CHST11: variants seen among roughly 807,000 people sequenced by gnomAD.
The protein encoded by CHST11 is carbohydrate sulfotransferase 11, also known as C4S-1.
CHST11 carries 9 observed loss-of-function variants against 30.4 expected under a neutral mutation model. The observed-to-expected ratio is 0.30, with a 90% CI of 0.18 to 0.52. The LOEUF is 0.52. Ranked by LOEUF, CHST11 falls within the 20% of genes least tolerant of loss-of-function variation. CHST11 has a pLI of 0.97. For missense variants in CHST11, 348 were observed against 460.6 expected (o/e 0.76, Z 2.24); for synonymous variants, 152 against 187.8 (o/e 0.81, Z 1.56).
At chr12:104,662,222 G>T (rs1028955322) in intron 2 of CHST11, among the ~76,000 whole-genome samples, 34 of 152,152 alleles carry the variant, frequency 2.2e-4, no homozygotes, top group African/African-American at 7.5e-4. Context: ...CCAAGATCTG[G>T]GTTTGAGTGT....
At chr12:104,658,464 G>T (rs1035261156) in intron 2 of CHST11, among the ~76,000 whole-genome samples, 2 of 152,166 alleles carry the variant, frequency 1.3e-5, no homozygotes, top group Non-Finnish European at 2.9e-5. Flanking sequence ...GATCACCTCT[G>T]TGCAGACACT....
chr12:104,726,484 G>A (rs565639649), intron 2 of CHST11, among the ~76,000 whole-genome samples: 8 of 152,286 alleles, frequency 5.3e-5, no homozygotes, highest in South Asian at 2.1e-4. Context: ...ACCTGGTACC[G>A]CAAACTAAAA....
intron 2 of CHST11, among the ~76,000 whole-genome samples, chr12:104,653,152 C>A (rs545440043): frequency 6.6e-6 from 1 of 152,186 alleles, no homozygotes; most frequent in African/African-American, 2.4e-5. Flanking sequence ...CTCCCCATTT[C>A]TCCTGCCCGC....
Position 104,757,214 on chromosome 12 carries a change from T to G in CHST11, c.470T>G (p.Val157Gly). ...PMEIPANEAH[V>G]SANLKTLNQY... is the part of the protein sequence containing the mutation. ...GAGATCCCGGCCAACGAGGCACACG[T>G]CTCCGCCAACCTGAAGACCCTGAAC... is the stretch of plus-strand genomic sequence containing the variant. The change falls in exon 3 of 3, where the codon GTC (valine) becomes GGC (glycine). Residue 157 changes from valine (V) to glycine (G), a missense_variant. Physicochemically the swap from Val to Gly is moderately radical, Grantham distance 109 (BLOSUM62 -3). Around this residue, in one of 3 missense-constraint regions of CHST11, gnomAD observed 210 missense variants for 287.2 expected, o/e 0.73. Transcript: ENST00000303694. The surrounding 1 kb of genome is among the most constrained non-coding windows in gnomAD (Gnocchi z 6.5). 6.2e-7 allele frequency: 1 copy of G among 1,613,908 alleles called. No homozygotes were observed. Among genetic ancestry groups the G allele is most frequent in the Non-Finnish European group, 8.5e-7 (1 of 1,179,976 alleles).
intron 2 of CHST11, among the ~76,000 whole-genome samples, chr12:104,642,877 G>A (rs1323053996): frequency 6.6e-6 from 1 of 151,760 alleles, no homozygotes; most frequent in East Asian, 1.9e-4. Context: ...AAGAAATTAT[G>A]CAACTAGATA....
intron 1 of CHST11, among the ~76,000 whole-genome samples, chr12:104,549,735 C>T (rs963863582): frequency 2.0e-4 from 30 of 152,004 alleles, no homozygotes; most frequent in African/African-American, 7.2e-4. Context: ...GAGAGAGCCC[C>T]GCCACTCAAA....
intron 2 of CHST11, among the ~76,000 whole-genome samples, chr12:104,710,159 C>G (rs1396603802): frequency 3.3e-5 from 5 of 152,168 alleles, no homozygotes; most frequent in Admixed American, 6.5e-5. Context: ...ATGATTGCGC[C>G]ACTGCACTCC....
At chr12:104,706,077 C>T (rs914664954) in intron 2 of CHST11, among the ~76,000 whole-genome samples, 1 of 151,502 alleles carries the variant, frequency 6.6e-6, no homozygotes, top group Admixed American at 6.6e-5. Flanking sequence ...CAGAATGAGG[C>T]CCTATCTCAA....
chr12:104,629,203 A>C (rs2039247912), intron 2 of CHST11, among the ~76,000 whole-genome samples: 1 of 152,250 alleles, frequency 6.6e-6, no homozygotes, highest in Admixed American at 6.5e-5. Flanking sequence ...AAATCACACA[A>C]ACTTAGCAGT....
chr12:104,691,730 C>T (rs967124390), intron 2 of CHST11, among the ~76,000 whole-genome samples: 2 of 152,100 alleles, frequency 1.3e-5, no homozygotes, highest in South Asian at 2.1e-4. Flanking sequence ...CCTCATGATC[C>T]GCCCGCCTCA....
intron 2 of CHST11, among the ~76,000 whole-genome samples, chr12:104,709,241 C>T (rs992579226): frequency 6.6e-6 from 1 of 152,204 alleles, no homozygotes; most frequent in Non-Finnish European, 1.5e-5. Flanking sequence ...CCCCCTGCAC[C>T]CACAGCCTCG....
At chr12:104,664,359 C>CT (rs2039623978) in intron 2 of CHST11, among the ~76,000 whole-genome samples, 1 of 152,242 alleles carries the variant, frequency 6.6e-6, no homozygotes, top group Non-Finnish European at 1.5e-5. Context: ...TAAGTGTGGT[C>CT]TTCTTAGGTC....
chr12:104,622,873 A>C (rs1282672439), intron 2 of CHST11, among the ~76,000 whole-genome samples: 1 of 152,214 alleles, frequency 6.6e-6, no homozygotes, highest in South Asian at 2.1e-4. Context: ...AGCAATAGCC[A>C]AGGGTCAATT....
chr12:104,464,971 AT>A (rs1456476241), intron 1 of CHST11, among the ~76,000 whole-genome samples: 2 of 152,112 alleles, frequency 1.3e-5, no homozygotes, highest in Non-Finnish European at 2.9e-5. Context: ...CATTTTAGTG[AT>A]TATGCAATTT....
chr12:104,542,481 A>T (rs1316520693), intron 1 of CHST11, among the ~76,000 whole-genome samples: 7 of 152,240 alleles, frequency 4.6e-5, no homozygotes, highest in African/African-American at 1.7e-4. Context: ...CCTTGAAGAC[A>T]TGATACTAAG....
At chr12:104,461,985 G>A (rs2037411911) in intron 1 of CHST11, among the ~76,000 whole-genome samples, 1 of 151,778 alleles carries the variant, frequency 6.6e-6, no homozygotes, top group Non-Finnish European at 1.5e-5. Context: ...CCAACATGGT[G>A]AATCCCCGTC....
chr12:104,639,425 A>G (rs1393812133), intron 2 of CHST11, among the ~76,000 whole-genome samples: 1 of 152,200 alleles, frequency 6.6e-6, no homozygotes, highest in Non-Finnish European at 1.5e-5. Context: ...ACCCAACCAC[A>G]TTAGTTTGCC....
In CHST11 at chr12:104,761,461, CCCTACA is replaced by C. The variant is rs1018074975; in HGVS notation, c.*3660_*3665del. 2 of 85,312 alleles carry C rather than the reference CCCTACA, an allele frequency of 2.3e-5. No individual in the cohort carries two copies. The highest frequency in any genetic ancestry group is 8.1e-5 in the African/African-American group (1 of 12,288). 5.3% of individuals were successfully genotyped at this position (85,312 alleles called of 1,614,324 possible). A position where few individuals can be genotyped will look rare whatever the true frequency, so the allele number is the denominator to read the frequency against. ...CTGCTTGCTTTCCTAGCCAGTCCTCCCCTACACACACACACACACACACACACACAC... is the reference window on the plus strand; with the variant it reads ...CTGCTTGCTTTCCTAGCCAGTCCTCCCACACACACACACACACACACACAC... On this transcript the variant is annotated 3_prime_UTR_variant, in exon 3 of 3. Coordinates refer to ENST00000303694, the MANE Select transcript of CHST11 (RefSeq NM_018413.6).
chr12:104,713,006 A>G (rs1160220458), intron 2 of CHST11, among the ~76,000 whole-genome samples: 2 of 152,082 alleles, frequency 1.3e-5, no homozygotes, highest in African/African-American at 4.8e-5. Context: ...GATAAATAAG[A>G]AAATGCACTC....
Sources: allele counts gnomAD v4.1 joint callset (sites outside exome capture counted in the v4.1 genomes callset), GRCh38; gene constraint gnomAD v4.1.1; regional missense constraint gnomAD v4.1.1; non-coding constraint Gnocchi (gnomAD v3.1); transcripts MANE v1.5; gene names NCBI Gene and HGNC (gene_info 2026-07-23, HGNC 2026-07-21).